The following GULP1 variants were observed in gnomAD, a reference collection of about 807,000 sequenced individuals.
GULP1 encodes PTB domain-containing engulfment adapter protein 1.
GULP1 carries 19 observed loss-of-function variants against 40.9 expected under a neutral mutation model. That is an observed-to-expected ratio of 0.46 (90% CI 0.32 to 0.68). GULP1 has a LOEUF of 0.68. GULP1 is among the 30% of genes least tolerant of loss of function. The pLI is 0.03. For missense variants in GULP1, 312 were observed against 362.2 expected (o/e 0.86, Z 1.12); for synonymous variants, 119 against 117.6 (o/e 1.01, Z -0.08).
chr2:188,442,482 TAAAAC>T (rs1229572214), intron 2 of GULP1, among the ~76,000 whole-genome samples: 1 of 152,184 alleles, frequency 6.6e-6, no homozygotes, highest in African/African-American at 2.4e-5. Flanking sequence ...TTTATAAAAA[TAAAAC>T]AAAAACACTT....
At chr2:188,505,073 T>G (rs1211339164) in intron 4 of GULP1, among the ~76,000 whole-genome samples, 1 of 151,800 alleles carries the variant, frequency 6.6e-6, no homozygotes, top group East Asian at 1.9e-4. Flanking sequence ...AAATTATTTT[T>G]TAAAATATTT....
rs138372358 is a variant in GULP1, at chr2:188,388,692, G to A, written c.-45+4803G>A. Among the ~76,000 whole-genome samples, 668 of 152,252 alleles carry A rather than the reference G, an allele frequency of 4.4e-3. 5 individuals carry two copies. Among genetic ancestry groups the A allele is most frequent in the African/African-American group, 0.015 (624 of 41,560 alleles). ...GATCACTATTTGCTGAACCCTTGCC[G>A]CTCGCCAGGCACTAAGCTAGGAACT... On this transcript the variant is annotated intron_variant, in intron 2 of 11. Coordinates refer to ENST00000409830, the MANE Select transcript of GULP1 (RefSeq NM_016315.4).
At chr2:188,482,474 C>T (rs1471536567) in intron 3 of GULP1, among the ~76,000 whole-genome samples, 3 of 151,348 alleles carry the variant, frequency 2.0e-5, no homozygotes, top group East Asian at 3.9e-4. Context: ...TTTAAACTCC[C>T]GTGAAAAATA....
chr2:188,345,987 C>T (rs1363468409), intron 1 of GULP1, among the ~76,000 whole-genome samples: 1 of 152,170 alleles, frequency 6.6e-6, no homozygotes, highest in Non-Finnish European at 1.5e-5. Context: ...TGCCATAACA[C>T]AAAATGTGAA....
intron 1 of GULP1, among the ~76,000 whole-genome samples, chr2:188,367,275 G>A (rs1281071715): frequency 6.6e-6 from 1 of 152,170 alleles, no homozygotes; most frequent in Non-Finnish European, 1.5e-5. Flanking sequence ...TGTGTGAACT[G>A]GTCACGATGG....
chr2:188,483,269 C>T (rs573319124), intron 3 of GULP1, among the ~76,000 whole-genome samples, 162 bp from the exon 4 acceptor site: 21 of 152,056 alleles, frequency 1.4e-4, no homozygotes, highest in East Asian at 3.9e-4. Context: ...TAATCACGCC[C>T]CAACTAAATT....
At chr2:188,509,352 C>T (rs189802107) in intron 4 of GULP1, among the ~76,000 whole-genome samples, 114 of 152,232 alleles carry the variant, frequency 7.5e-4, no homozygotes, top group African/African-American at 2.7e-3. Flanking sequence ...ATCCAGCCTT[C>T]TTTGCTTTGA....
chr2:188,318,405 A>G (rs1202754505), intron 1 of GULP1, among the ~76,000 whole-genome samples: 2 of 152,146 alleles, frequency 1.3e-5, no homozygotes, highest in Non-Finnish European at 2.9e-5. Context: ...AAAAATGTCA[A>G]TAAAATTCCC....
At chr2:188,446,884 G>T (rs1010075190) in intron 2 of GULP1, among the ~76,000 whole-genome samples, 9 of 152,010 alleles carry the variant, frequency 5.9e-5, no homozygotes, top group African/African-American at 2.2e-4. Context: ...TCAACAAAAA[G>T]AGTCAAACTC....
chr2:188,379,813 ATGGCG>A (rs2048781295), intron 1 of GULP1, among the ~76,000 whole-genome samples: 2 of 152,170 alleles, frequency 1.3e-5, no homozygotes, highest in Non-Finnish European at 2.9e-5. Context: ...ATCCTTGAAG[ATGGCG>A]TGTTCGTTCT....
chr2:188,295,756 G>A (rs891181113), intron 1 of GULP1, among the ~76,000 whole-genome samples: 1 of 152,008 alleles, frequency 6.6e-6, no homozygotes, highest in Non-Finnish European at 1.5e-5. Flanking sequence ...TCTGTAAAAA[G>A]CACGTGTATA....
At chr2:188,373,803 G>C (rs923317099) in intron 1 of GULP1, among the ~76,000 whole-genome samples, 19 of 151,888 alleles carry the variant, frequency 1.3e-4, no homozygotes, top group African/African-American at 4.6e-4. Context: ...TGTAAAATAT[G>C]TTATTAATTC....
Position 188,325,144 on chromosome 2 carries a change from A to C in GULP1, c.-172+32978A>C, listed in dbSNP as rs148290482. Among the ~76,000 whole-genome samples the C allele has an allele frequency of 2.9e-3, 440 of 152,212 alleles. 2 individuals carry two copies. The highest frequency in any genetic ancestry group is 0.01 in the African/African-American group (419 of 41,566). ...CATACCGAAACATTTATTGATATAT[A>C]GTTTCCAAAACTCAGTGAAGATATT... On this transcript the variant is annotated intron_variant, in intron 1 of 11. Transcript: ENST00000409830.
chr2:188,569,889 C>T (rs1314761961), intron 8 of GULP1, 139 bp from the exon 9 acceptor site: 1 of 522,602 alleles, frequency 1.9e-6, no homozygotes, highest in African/African-American at 2.0e-5. Flanking sequence ...ATTTCCCAAG[C>T]TTTATCAAAC....
At chr2:188,537,348 A>G (rs1187430574) in intron 6 of GULP1, among the ~76,000 whole-genome samples, 1 of 151,952 alleles carries the variant, frequency 6.6e-6, no homozygotes, top group Non-Finnish European at 1.5e-5. Context: ...ACTATTCTGA[A>G]GTATGTTCCT....
chr2:188,301,502 T>C (rs894727014), intron 1 of GULP1, among the ~76,000 whole-genome samples: 11 of 152,064 alleles, frequency 7.2e-5, no homozygotes, highest in Non-Finnish European at 1.2e-4. Context: ...TAAAATCTAT[T>C]CCTTATTCTT....
chr2:188,375,727 A>G (rs568289391), intron 1 of GULP1, among the ~76,000 whole-genome samples: 6 of 152,334 alleles, frequency 3.9e-5, no homozygotes, highest in South Asian at 4.1e-4. Context: ...TTAAAATACT[A>G]TAGTAAAGAA....
chr2:188,329,476 C>T (rs1345742385), intron 1 of GULP1, among the ~76,000 whole-genome samples: 4 of 152,048 alleles, frequency 2.6e-5, no homozygotes, highest in African/African-American at 9.7e-5. Context: ...CATAGAAAAA[C>T]AGTAGCTTTA....
At chr2:188,385,154 C>T (rs1049286099) in intron 2 of GULP1, among the ~76,000 whole-genome samples, 2 of 152,124 alleles carry the variant, frequency 1.3e-5, no homozygotes. Flanking sequence ...CCATGAGGAC[C>T]CTACTCCTGC....
Sources: gnomAD v4.1 joint callset for allele counts (sites outside exome capture counted in the v4.1 genomes callset) on GRCh38, gnomAD v4.1.1 for gene constraint, MANE v1.5 for transcripts, NCBI Gene and HGNC (gene_info 2026-07-23, HGNC 2026-07-21) for gene names.